The following KCNIP4 variants were observed in gnomAD, a reference collection of about 807,000 sequenced individuals.
KCNIP4 encodes the protein potassium voltage-gated channel interacting protein 4.
A neutral mutation model predicts 34.0 loss-of-function variants in KCNIP4; 12 were observed. The observed-to-expected ratio is 0.35, with a 90% CI of 0.23 to 0.57. KCNIP4 has a LOEUF of 0.57. Among genes scored for constraint, KCNIP4 ranks in the 20% least tolerant of loss-of-function variants. The pLI, the probability that KCNIP4 is intolerant of heterozygous loss-of-function variation, is 0.83. For synonymous variants in KCNIP4, 124 were observed against 102.2 expected (o/e 1.21, Z -1.29); for missense variants, 238 against 311.7 (o/e 0.76, Z 1.78).
chr4:20,883,913 C>T (rs1395557106), intron 1 of KCNIP4, among the ~76,000 whole-genome samples: 2 of 152,154 alleles, frequency 1.3e-5, no homozygotes, highest in South Asian at 2.1e-4. Flanking sequence ...GTTTTTCTAT[C>T]GAGGACGCCA....
intron 1 of KCNIP4, among the ~76,000 whole-genome samples, chr4:21,593,121 G>T (rs60136603): frequency 0.33 from 18,156 of 55,738 alleles, 1,193 homozygotes; most frequent in African/African-American, 0.42. Flanking sequence ...GTGTGTGTTT[G>T]TGTGTGTGTG....
intron 1 of KCNIP4, among the ~76,000 whole-genome samples, chr4:20,958,096 G>A (rs1733493412): frequency 3.3e-5 from 5 of 152,114 alleles, no homozygotes; most frequent in Admixed American, 1.3e-4. Context: ...CTACTACCTG[G>A]GTCTCTTGTT....
intron 1 of KCNIP4, among the ~76,000 whole-genome samples, chr4:21,842,076 A>C (rs557368312): frequency 6.6e-6 from 1 of 152,272 alleles, no homozygotes; most frequent in East Asian, 1.9e-4. Context: ...AAAAAGTAAA[A>C]TGCTTTGAAC....
chr4:21,005,108 T>C (rs1738445520), intron 1 of KCNIP4, among the ~76,000 whole-genome samples: 1 of 152,180 alleles, frequency 6.6e-6, no homozygotes, highest in Admixed American at 6.5e-5. Context: ...CGGGAGTTAA[T>C]GCTTATATGA....
chr4:21,315,354 C>T (rs1420835817), intron 1 of KCNIP4: 1 of 152,618 alleles, frequency 6.6e-6, no homozygotes, highest in African/African-American at 2.4e-5. Context: ...AGCATAGTCT[C>T]TCTTCTTTAT....
chr4:21,115,036 G>A (rs1247177823), intron 1 of KCNIP4, among the ~76,000 whole-genome samples: 1 of 152,150 alleles, frequency 6.6e-6, no homozygotes, highest in Non-Finnish European at 1.5e-5. Flanking sequence ...TCATCCACAT[G>A]GGTCCCCATG....
chr4:21,663,821 A>G lies in KCNIP4; in HGVS notation c.61+284750T>C, dbSNP rs528180247. On this transcript the variant is annotated intron_variant, in intron 1 of 8. Transcript: ENST00000382152. The stretch of plus-strand genomic sequence containing the variant: ...ATACAGCTTCCAAAATCTCATTCTC[A>G]CAACAGCACTATTTTGTTGGTATGA... Among the ~76,000 whole-genome samples the G allele has an allele frequency of 9.5e-4, 144 of 152,306 alleles. 4 individuals carry two copies. The South Asian group carries it at 0.023, about 25-fold the overall frequency.
intron 1 of KCNIP4, chr4:21,316,565 G>T (rs1713786494): frequency 6.6e-6 from 1 of 152,134 alleles, no homozygotes; most frequent in East Asian, 1.9e-4. Context: ...ATTTTCATTT[G>T]TCACCTTTGC....
At chr4:20,830,795 G>T (rs565908317) in intron 3 of KCNIP4, among the ~76,000 whole-genome samples, 2 of 152,122 alleles carry the variant, frequency 1.3e-5, no homozygotes, top group African/African-American at 2.4e-5. Context: ...TTACATCTTC[G>T]GCAGAAACTC....
At position 21,628,732 on chromosome 4, in the gene KCNIP4, C is replaced by T. The variant is rs115270702; in HGVS notation, c.61+319839G>A. ...GGCACTAGAAAAAAAACAAGTATCT[C>T]CCTACCAATAATAATGAGTCACACA... On this transcript the variant is annotated intron_variant, in intron 1 of 8. Coordinates refer to ENST00000382152, the MANE Select transcript of KCNIP4 (RefSeq NM_025221.6). Among the ~76,000 whole-genome samples the T allele has an allele frequency of 2.9e-3, 437 of 152,184 alleles. 3 individuals carry two copies. The highest frequency in any genetic ancestry group is 1.0e-2 in the African/African-American group (415 of 41,520).
intron 1 of KCNIP4, among the ~76,000 whole-genome samples, chr4:21,107,934 C>G (rs954172491): frequency 6.6e-5 from 10 of 151,466 alleles, no homozygotes; most frequent in African/African-American, 2.5e-4. Context: ...GCCCCCCACT[C>G]TCTTCTGGCT....
intron 1 of KCNIP4, among the ~76,000 whole-genome samples, chr4:21,196,586 C>G (rs532067969): frequency 6.6e-6 from 1 of 152,300 alleles, no homozygotes; most frequent in East Asian, 1.9e-4. Context: ...ACACACAGAG[C>G]TCCGTGCCTA....
At chr4:21,391,878 A>G (rs185026421) in intron 1 of KCNIP4, among the ~76,000 whole-genome samples, 1 of 152,258 alleles carries the variant, frequency 6.6e-6, no homozygotes, top group East Asian at 1.9e-4. Context: ...TGTACAAAGT[A>G]ATGGAGGCAT....
chr4:20,906,813 A>T (rs528507390), intron 1 of KCNIP4, among the ~76,000 whole-genome samples: 1 of 152,160 alleles, frequency 6.6e-6, no homozygotes, highest in Admixed American at 6.6e-5. Context: ...GACTTCATGG[A>T]TGTATGGAAT....
chr4:21,004,310 T>C (rs1738374166), intron 1 of KCNIP4, among the ~76,000 whole-genome samples: 1 of 152,122 alleles, frequency 6.6e-6, no homozygotes, highest in Non-Finnish European at 1.5e-5. Flanking sequence ...CTCGATTCAA[T>C]GAGAAAGGAG....
rs1350419753 is a variant in KCNIP4 at position 20,837,686 on chromosome 4, A to ATATATTTT, written c.288+12856_288+12857insAAAATATA. 1.9e-3 allele frequency among the ~76,000 whole-genome samples: 227 copies of ATATATTTT among 117,376 alleles called. 3 individuals carry two copies. Among genetic ancestry groups the ATATATTTT allele is most frequent in the African/African-American group, 7.3e-3 (217 of 29,862 alleles). 77.0% of individuals were successfully genotyped at this position (117,376 alleles called of 152,430 possible). ...GCTATATATATATATATATATATAT[A>ATATATTTT]TTTTTTTTTCCTTGGAGATGGAGTC... is the stretch of plus-strand genomic sequence containing the variant. On this transcript the variant is annotated intron_variant, in intron 3 of 8. Transcript: ENST00000382152.
At chr4:21,871,850 T>C (rs1386206331) in intron 1 of KCNIP4, among the ~76,000 whole-genome samples, 1 of 133,826 alleles carries the variant, frequency 7.5e-6, no homozygotes, top group East Asian at 2.5e-4. Context: ...TCTCCTCCAC[T>C]CTTCTCCTTG....
At chr4:21,125,300 C>G (rs1039381736) in intron 1 of KCNIP4, among the ~76,000 whole-genome samples, 1 of 150,592 alleles carries the variant, frequency 6.6e-6, no homozygotes, top group African/African-American at 2.4e-5. Flanking sequence ...TCACAGCAAC[C>G]TCCGCCTCAG....
At position 20,738,477 on chromosome 4, in the gene KCNIP4, C is replaced by T. The variant is rs12640370; in HGVS notation, c.430-3742G>A. 2.3e-3 allele frequency among the ~76,000 whole-genome samples: 355 copies of T among 152,326 alleles called. 8 individuals carry two copies. The South Asian group carries it at 0.046, about 20-fold the overall frequency. On this transcript the variant is annotated intron_variant, in intron 5 of 8. Transcript: ENST00000382152. ...GACCCCAAAATTTACATGTCTGACACATTCCAAGGGGAAGCCTGTACTGCT... is the reference window on the plus strand; with the variant it reads ...GACCCCAAAATTTACATGTCTGACATATTCCAAGGGGAAGCCTGTACTGCT...
Sources: allele counts gnomAD v4.1 joint callset (sites outside exome capture counted in the v4.1 genomes callset), GRCh38; gene constraint gnomAD v4.1.1; transcripts MANE v1.5; gene names NCBI Gene and HGNC (gene_info 2026-07-23, HGNC 2026-07-21).